FBXO10: variants seen among roughly 807,000 people sequenced by gnomAD.
FBXO10 encodes F-box protein 10, also known as F-box only protein 10.
FBXO10 carries 39 observed loss-of-function variants against 80.7 expected under a neutral mutation model. The observed-to-expected ratio is 0.48, with a 90% confidence interval of 0.37 to 0.63. The LOEUF is 0.63. FBXO10 is among the 30% of genes least tolerant of loss of function. The pLI is 0.00. For synonymous variants in FBXO10, 449 were observed against 489.6 expected (o/e 0.92, Z 1.09); for missense variants, 1,025 against 1,269.0 (o/e 0.81, Z 2.92).
At chr9:37,530,977 G>A (rs923893273) in intron 4 of FBXO10, among the ~76,000 whole-genome samples, 1 of 152,134 alleles carries the variant, frequency 6.6e-6, no homozygotes, top group African/African-American at 2.4e-5. Context: ...AAGATATGAT[G>A]GGTTCAGCAT....
chr9:37,522,297 G>A (rs1340821164), intron 7 of FBXO10: 2 of 957,244 alleles, frequency 2.1e-6, no homozygotes, highest in African/African-American at 3.5e-5. Flanking sequence ...TCAGAAGGCA[G>A]TCATGAGGAT....
Position 37,537,880 on chromosome 9 carries a change from C to G in FBXO10, c.649G>C (p.Gly217Arg). Residue 217 changes from glycine (G) to arginine (R), a missense_variant, in exon 3 of 11, where the codon GGC becomes CGC. This residue lies in a region of FBXO10 where 450 missense variants were observed against 499.4 expected (regional missense o/e 0.90). Transcript: ENST00000432825. ...NFENGHIQVH[G>R]PGTCQVKFCT... ...AACTTCACTTGGCAAGTACCCGGGC[C>G]ATGGACCTGGATGTGCCCGTTCTCA... 6.2e-7 allele frequency: 1 copy of G among 1,613,974 alleles called. No homozygotes were observed. Among genetic ancestry groups the G allele is most frequent in the South Asian group, 1.1e-5 (1 of 91,074 alleles).
chr9:37,547,985 A>G (rs1434723639), intron 1 of FBXO10, among the ~76,000 whole-genome samples: 1 of 151,992 alleles, frequency 6.6e-6, no homozygotes, highest in Non-Finnish European at 1.5e-5. Context: ...GGTGCTTGCC[A>G]GCAAGGTGGA....
At position 37,558,597 on chromosome 9, in the gene FBXO10, A is replaced by C. The variant is rs143705971; in HGVS notation, c.-6-16823T>G. Among the ~76,000 whole-genome samples, 1,022 of 152,210 alleles carry C rather than the reference A, an allele frequency of 6.7e-3. 7 individuals are homozygous for C. Among genetic ancestry groups the C allele is most frequent in the Non-Finnish European group, 0.011 (779 of 67,994 alleles). On this transcript the variant is annotated intron_variant, in intron 1 of 10. Transcript: ENST00000432825. Reference sequence around the variant, plus strand: ...CAGCAAGAACCCCACATACCATCCAATATGCAGCACAAAGTACAGGCTTAA... The same window carrying C: ...CAGCAAGAACCCCACATACCATCCACTATGCAGCACAAAGTACAGGCTTAA...
intron 1 of FBXO10, among the ~76,000 whole-genome samples, chr9:37,570,615 AAAG>A (rs753387254): frequency 3.9e-5 from 6 of 152,198 alleles, no homozygotes; most frequent in African/African-American, 1.2e-4. Context: ...TACTAAAACC[AAAG>A]AAGAAGGAAA....
chr9:37,575,854 T>A (rs916203981), intron 1 of FBXO10, among the ~76,000 whole-genome samples: 8 of 152,144 alleles, frequency 5.3e-5, no homozygotes, highest in Non-Finnish European at 1.2e-4. Flanking sequence ...GCTCTTCCCA[T>A]CCCAAGAGTC....
At chr9:37,550,242 G>A (rs1375318982) in intron 1 of FBXO10, among the ~76,000 whole-genome samples, 1 of 133,632 alleles carries the variant, frequency 7.5e-6, no homozygotes, top group Non-Finnish European at 1.5e-5. Flanking sequence ...GAGTGTAGTG[G>A]CATGATCTTG....
rs1222091817 is a variant in FBXO10 at position 37,537,785 on chromosome 9, A to C, written c.744T>G (p.Phe248Leu). 6.2e-7 allele frequency: 1 copy of C among 1,614,008 alleles called. No homozygotes were observed. Among genetic ancestry groups the C allele is most frequent in the South Asian group, 1.1e-5 (1 of 91,088 alleles). The change falls in exon 3 of 11, where the codon TTT (phenylalanine) becomes TTG (leucine). Residue 248 changes from phenylalanine (F) to leucine (L), a missense_variant. Coordinates refer to ENST00000432825, the MANE Select transcript of FBXO10 (RefSeq NM_012166.3). ...TCACAGAGTTGTTTTCACTGCCCACAAATTCACAGTTTTCCAGGACACACA... is the reference window on the plus strand; with the variant it reads ...TCACAGAGTTGTTTTCACTGCCCACCAATTCACAGTTTTCCAGGACACACA... ...VPLCVLENCE[F>L]VGSENNSVTV...
At chr9:37,561,513 C>T (rs1799748407) in intron 1 of FBXO10, among the ~76,000 whole-genome samples, 1 of 152,184 alleles carries the variant, frequency 6.6e-6, no homozygotes, top group African/African-American at 2.4e-5. Flanking sequence ...AACAAGCAGG[C>T]TCTCTGCTGC....
Position 37,512,697 on chromosome 9 carries a change from G to A in FBXO10, c.2721C>T (p.Asn907=). ...TTTCAAGGTGGGGCCGTGCTGGTGG[G>A]TTCACCAGGCGCCACGTATCAGACC... is the stretch of plus-strand genomic sequence containing the variant. The part of the protein sequence containing the change: ...KKKSDTWRLV[N]PPARPHLENS... The change falls in exon 11 of 11, where the codon AAC becomes AAT. Residue 907 remains asparagine, a synonymous_variant. Transcript: ENST00000432825. The A allele has an allele frequency of 6.2e-7, 1 of 1,613,938 alleles. No homozygotes were observed. The highest frequency in any genetic ancestry group is 8.5e-7 in the Non-Finnish European group (1 of 1,179,854).
chr9:37,513,496 C>CA (rs1821112823), intron 10 of FBXO10, among the ~76,000 whole-genome samples: 1 of 152,142 alleles, frequency 6.6e-6, no homozygotes, highest in Non-Finnish European at 1.5e-5. Flanking sequence ...AATGAATCTC[C>CA]AGCATGTTAG....
chr9:37,567,620 G>T (rs574509011), intron 1 of FBXO10, among the ~76,000 whole-genome samples: 3 of 152,184 alleles, frequency 2.0e-5, no homozygotes, highest in Non-Finnish European at 4.4e-5. Flanking sequence ...GGGGCTAGAA[G>T]TTCCTATATC....
At chr9:37,540,350 G>A (rs1242900567) in intron 2 of FBXO10, among the ~76,000 whole-genome samples, 1 of 151,898 alleles carries the variant, frequency 6.6e-6, no homozygotes, top group Non-Finnish European at 1.5e-5. Flanking sequence ...ACCATGCCCC[G>A]CTGATTTTGT....
At chr9:37,553,916 CAAA>C (rs71494669) in intron 1 of FBXO10, among the ~76,000 whole-genome samples, 8 of 64,332 alleles carry the variant, frequency 1.2e-4, no homozygotes, top group South Asian at 7.0e-4. Flanking sequence ...AAGTCTGCCT[CAAA>C]AAAAAAAAAA....
In FBXO10 at chr9:37,553,668, G is replaced by T. The variant is rs893281948; in HGVS notation, c.-6-11894C>A. ...TGCCTGGAATCCCAGCACTTTGGGA[G>T]GCCGAGGCGGGCAGATCACCAGAGG... On this transcript the variant is annotated intron_variant, in intron 1 of 10. Coordinates refer to ENST00000432825, the MANE Select transcript of FBXO10 (RefSeq NM_012166.3). 1.1e-4 allele frequency among the ~76,000 whole-genome samples: 17 copies of T among 151,852 alleles called. 1 individual carries two copies. Among genetic ancestry groups the T allele is most frequent in the Admixed American group, 3.9e-4 (6 of 15,250 alleles).
intron 1 of FBXO10, among the ~76,000 whole-genome samples, chr9:37,545,327 C>T (rs2119138791): frequency 6.6e-6 from 1 of 152,070 alleles, no homozygotes; most frequent in Non-Finnish European, 1.5e-5. Flanking sequence ...CAGGCGCACA[C>T]CGCCATGCCC....
rs183703273 is a variant in FBXO10, at chr9:37,548,015, C to T, written c.-6-6241G>A. ...GGTGGAGATTAACTGGAAGGGGTTA[C>T]GAGGGAACTTTAGGGTGAAGGAAAT... On this transcript the variant is annotated intron_variant, in intron 1 of 10. Coordinates refer to ENST00000432825, the MANE Select transcript of FBXO10 (RefSeq NM_012166.3). 2.1e-3 allele frequency among the ~76,000 whole-genome samples: 314 copies of T among 152,014 alleles called. 1 individual carries two copies. Among genetic ancestry groups the T allele is most frequent in the African/African-American group, 6.9e-3 (286 of 41,458 alleles).
Position 37,537,189 on chromosome 9 carries a change from C to A in FBXO10, c.1340G>T (p.Cys447Phe), listed in dbSNP as rs1167669823. The change falls in exon 3 of 11, where the codon TGC becomes TTC. Residue 447 changes from cysteine (C) to phenylalanine (F), a missense_variant. Physicochemically the swap from Cys to Phe is radical, Grantham distance 205 (BLOSUM62 -2). Around this residue, in one of 3 missense-constraint regions of FBXO10, gnomAD observed 478 missense variants for 667.8 expected, o/e 0.72. Coordinates refer to ENST00000432825, the MANE Select transcript of FBXO10 (RefSeq NM_012166.3). ...FRDGKGGVFV[C>F]SHGRAKMEGN... is the part of the protein sequence containing the mutation. Reference sequence around the variant, plus strand: ...TTCCATCTTGGCTCTGCCGTGGGAGCAGACGAAGACGCCTCCCTTCCCGTC... The same window carrying A: ...TTCCATCTTGGCTCTGCCGTGGGAGAAGACGAAGACGCCTCCCTTCCCGTC... 1 of 1,613,850 alleles carries A rather than the reference C, an allele frequency of 6.2e-7. No homozygotes were observed. Among genetic ancestry groups the A allele is most frequent in the Non-Finnish European group, 8.5e-7 (1 of 1,179,908 alleles).
chr9:37,519,716 G>C (rs1821279167), intron 8 of FBXO10, among the ~76,000 whole-genome samples: 1 of 152,218 alleles, frequency 6.6e-6, no homozygotes, highest in Non-Finnish European at 1.5e-5. Flanking sequence ...GGAGGAGACA[G>C]AACTCATTTT....
Sources: allele counts gnomAD v4.1 joint callset (sites outside exome capture counted in the v4.1 genomes callset), GRCh38; gene constraint gnomAD v4.1.1; regional missense constraint gnomAD v4.1.1; transcripts MANE v1.5; gene names NCBI Gene and HGNC (gene_info 2026-07-23, HGNC 2026-07-21).